The following WDR5 variants were observed in gnomAD, a reference collection of about 807,000 sequenced individuals.
The protein encoded by WDR5 is WD repeat domain 5.
For missense variants in WDR5, 187 were observed against 416.9 expected (o/e 0.45, Z 4.80); for synonymous variants, 144 against 161.6 (o/e 0.89, Z 0.83).
chr9:134,144,095 A>G (rs1168551412), intron 7 of WDR5, among the ~76,000 whole-genome samples: 3 of 152,208 alleles, frequency 2.0e-5, no homozygotes, highest in South Asian at 2.1e-4. Flanking sequence ...GCTTTGCCCG[A>G]GTGAGATGGC....
At chr9:134,156,718 C>A in intron 13 of WDR5, 125 bp downstream of exon 13, 2 of 896,618 alleles carry the variant, frequency 2.2e-6, no homozygotes, top group Admixed American at 2.3e-5. Context: ...CTCCGCTGGC[C>A]CCGCTGAGGA....
At chr9:134,151,386 C>T (rs565052082) in intron 8 of WDR5, among the ~76,000 whole-genome samples, 3 of 152,218 alleles carry the variant, frequency 2.0e-5, no homozygotes, top group South Asian at 2.1e-4. Flanking sequence ...ACGTGTGACC[C>T]GAGCCTGTTC....
rs769350976 is a variant in WDR5 at position 134,148,250 on chromosome 9, G to A, written c.529-38G>A. ...AAGCAGTTGTGTCCCTGACTTGAAA[G>A]TAAGTTTTTGTCTCTTCTTCCTCTC... On this transcript the variant is annotated intron_variant, in intron 7 of 13. Coordinates refer to ENST00000358625, the MANE Select transcript of WDR5 (RefSeq NM_017588.3). 3.3e-6 allele frequency: 4 copies of A among 1,194,560 alleles called. No individual in the cohort carries two copies. The Admixed American group carries it at 6.0e-5, about 18-fold the overall frequency. The allele number at this position is 1,194,560 out of a possible 1,614,324, so 74.0% of individuals were successfully genotyped here.
In WDR5 at chr9:134,157,753, G is replaced by C; in HGVS notation, c.905-140G>C. ...GGGCTCCCTGTGTCGAAGGTGGGCAGTGGGTGCTTGTCCTGTGACCTCCCA... is the reference window on the plus strand; with the variant it reads ...GGGCTCCCTGTGTCGAAGGTGGGCACTGGGTGCTTGTCCTGTGACCTCCCA... On this transcript the variant is annotated intron_variant, in intron 13 of 13. Coordinates refer to ENST00000358625, the MANE Select transcript of WDR5 (RefSeq NM_017588.3). This position sits in a 1 kb window ranked among gnomAD's most constrained non-coding sequence, Gnocchi z 5.0. 1 of 696,764 alleles carries C rather than the reference G, an allele frequency of 1.4e-6. No individual in the cohort carries two copies. Among genetic ancestry groups the C allele is most frequent in the South Asian group, 1.8e-5 (1 of 56,998 alleles). 43.2% of individuals were successfully genotyped at this position (696,764 alleles called of 1,614,324 possible).
chr9:134,152,263 G>A (rs764222650), intron 9 of WDR5, among the ~76,000 whole-genome samples: 4 of 152,246 alleles, frequency 2.6e-5, no homozygotes, highest in Non-Finnish European at 2.9e-5. Context: ...CCAGCCTGGG[G>A]CTCCTCCACC....
chr9:134,138,495 ACCAC>A (rs938550219), intron 1 of WDR5, among the ~76,000 whole-genome samples: 2 of 152,214 alleles, frequency 1.3e-5, no homozygotes, highest in Non-Finnish European at 2.9e-5. Context: ...AATGACAAGT[ACCAC>A]GTAGCTGGCA....
intron 1 of WDR5, among the ~76,000 whole-genome samples, chr9:134,136,889 C>T (rs1199653283): frequency 6.6e-6 from 1 of 152,220 alleles, no homozygotes. Flanking sequence ...TACCCATCTC[C>T]TCAAATGCTA....
chr9:134,151,606 G>A (rs567686181), intron 8 of WDR5, among the ~76,000 whole-genome samples: 2 of 152,332 alleles, frequency 1.3e-5, no homozygotes, highest in East Asian at 3.9e-4. Flanking sequence ...GCTTGCATGT[G>A]TTTGCATGAG....
At chr9:134,153,414 C>T (rs1441768556) in intron 9 of WDR5, among the ~76,000 whole-genome samples, 1 of 152,240 alleles carries the variant, frequency 6.6e-6, no homozygotes, top group East Asian at 1.9e-4. Context: ...TTCACTGAGA[C>T]AGGTTGGCTG....
intron 12 of WDR5, 50 bp from the exon 13 acceptor site, chr9:134,156,456 G>A (rs761260990): frequency 7.0e-6 from 11 of 1,566,142 alleles, no homozygotes; most frequent in Non-Finnish European, 7.0e-6. Flanking sequence ...ACATGCATGA[G>A]CTCTGACCTG....
chr9:134,143,653 G>C (rs115907428), intron 7 of WDR5, among the ~76,000 whole-genome samples: 5,911 of 151,366 alleles, frequency 0.039, 375 homozygotes, highest in African/African-American at 0.13. Context: ...CAGCCTCTCC[G>C]AGTAGTTGAG....
rs183683760 is a variant in WDR5 at position 134,147,344 on chromosome 9, C to T, written c.529-944C>T. The stretch of plus-strand genomic sequence containing the variant: ...CTCCTGGACTGGTCAAATCAGAAGC[C>T]CTGGGGATGGGGCCTAGCAGTCTCT... On this transcript the variant is annotated intron_variant, in intron 7 of 13. Transcript: ENST00000358625. 3.7e-3 allele frequency among the ~76,000 whole-genome samples: 567 copies of T among 152,212 alleles called. 6 individuals carry two copies. Among genetic ancestry groups the T allele is most frequent in the African/African-American group, 0.013 (538 of 41,524 alleles).
At position 134,157,754 on chromosome 9, in the gene WDR5, T is replaced by C; in HGVS notation, c.905-139T>C. 1.4e-6 allele frequency: 1 copy of C among 698,072 alleles called. No individual in the cohort carries two copies. Among genetic ancestry groups the C allele is most frequent in the Non-Finnish European group, 2.4e-6 (1 of 411,142 alleles). The allele number at this position is 698,072 out of a possible 1,614,324, so 43.2% of individuals were successfully genotyped here. ...GGCTCCCTGTGTCGAAGGTGGGCAGTGGGTGCTTGTCCTGTGACCTCCCAG... is the reference window on the plus strand; with the variant it reads ...GGCTCCCTGTGTCGAAGGTGGGCAGCGGGTGCTTGTCCTGTGACCTCCCAG... On this transcript the variant is annotated intron_variant, in intron 13 of 13. Coordinates refer to ENST00000358625, the MANE Select transcript of WDR5 (RefSeq NM_017588.3). The surrounding 1 kb of genome is among the most constrained non-coding windows in gnomAD (Gnocchi z 5.0).
chr9:134,159,824 G>C lies in WDR5; in HGVS notation c.*1831G>C, dbSNP rs1034544227. 1 of 152,362 alleles carries C rather than the reference G, an allele frequency of 6.6e-6. No individual in the cohort carries two copies. The highest frequency in any genetic ancestry group is 2.1e-4 in the South Asian group (1 of 4,832). The allele number at this position is 152,362 out of a possible 1,614,324, so 9.4% of individuals were successfully genotyped here. A position where few individuals can be genotyped will look rare whatever the true frequency, so the allele number is the denominator to read the frequency against. ...GCGAGGCCCCTTCAGTCTTGTTCTG[G>C]GGGGACGGCCCACTCCGGGGAGGGG... On this transcript the variant is annotated 3_prime_UTR_variant, in exon 14 of 14. Coordinates refer to ENST00000358625, the MANE Select transcript of WDR5 (RefSeq NM_017588.3). The surrounding 1 kb of genome is among the most constrained non-coding windows in gnomAD (Gnocchi z 4.3).
chr9:134,151,905 A>G, intron 8 of WDR5, 78 bp from the exon 9 acceptor site: 1 of 1,477,048 alleles, frequency 6.8e-7, no homozygotes. Context: ...TAGTCCTAAA[A>G]TTTATATCTG....
At position 134,158,117 on chromosome 9, in the gene WDR5, C is replaced by T. The variant is rs1358949799; in HGVS notation, c.*124C>T. The stretch of plus-strand genomic sequence containing the variant: ...GGTCAGGACAGGGCCTGATTTGAGC[C>T]TCCTCTCTGAAGATGATTTGGCCGA... On this transcript the variant is annotated 3_prime_UTR_variant, in exon 14 of 14. Coordinates refer to ENST00000358625, the MANE Select transcript of WDR5 (RefSeq NM_017588.3). The T allele has an allele frequency of 3.7e-6, 3 of 812,912 alleles. No homozygotes were observed. Among genetic ancestry groups the T allele is most frequent in the South Asian group, 3.2e-5 (2 of 62,460 alleles). 50.4% of individuals were successfully genotyped at this position (812,912 alleles called of 1,614,324 possible).
rs556300742 is a variant in WDR5 at position 134,156,664 on chromosome 9, G to T, written c.904+71G>T. The stretch of plus-strand genomic sequence containing the variant: ...GGACAGTTCCTGCAGGTGAAGCGTG[G>T]TGTGCCCGTAGGGTGCCGTCGTCTT... On this transcript the variant is annotated intron_variant, in intron 13 of 13. Transcript: ENST00000358625. The T allele has an allele frequency of 2.7e-4, 412 of 1,527,894 alleles. 1 individual carries two copies. In the African/African-American group the frequency reaches 5.1e-3, roughly 19 times the overall value. 94.6% of individuals were successfully genotyped at this position (1,527,894 alleles called of 1,614,324 possible). A position where few individuals can be genotyped will look rare whatever the true frequency, so the allele number is the denominator to read the frequency against.
chr9:134,137,062 C>T (rs961443130), intron 1 of WDR5, among the ~76,000 whole-genome samples: 7 of 152,288 alleles, frequency 4.6e-5, no homozygotes, highest in East Asian at 3.9e-4. Context: ...AGATTAATTC[C>T]TGTCTTTGCA....
chr9:134,153,475 G>C (rs1040831487), intron 9 of WDR5, among the ~76,000 whole-genome samples: 1 of 152,244 alleles, frequency 6.6e-6, no homozygotes, highest in Non-Finnish European at 1.5e-5. Context: ...TTAGGCATGC[G>C]GACACGCTTG....
Sources: gnomAD v4.1 joint callset for allele counts (sites outside exome capture counted in the v4.1 genomes callset) on GRCh38, gnomAD v4.1.1 for gene constraint, Gnocchi (gnomAD v3.1) non-coding constraint, MANE v1.5 for transcripts, NCBI Gene and HGNC (gene_info 2026-07-23, HGNC 2026-07-21) for gene names.